Variants in BNIP2 observed in about 807,000 individuals in gnomAD.
BNIP2 encodes the protein BCL2/adenovirus E1B 19 kDa protein-interacting protein 2.
BNIP2 carries 36 observed loss-of-function variants against 43.4 expected under a neutral mutation model. That is an observed-to-expected ratio of 0.83 (90% CI 0.64 to 1.10). The LOEUF (loss-of-function observed/expected upper bound fraction) is 1.10, where lower values mean the gene tolerates loss of function less well. Among genes scored for constraint, BNIP2 ranks in the 50% least tolerant of loss-of-function variants. BNIP2 has a pLI of 0.00. For synonymous variants in BNIP2, 146 were observed against 121.0 expected, an observed-to-expected ratio of 1.21 and a Z score of -1.35; for missense variants, 417 against 374.1, an observed-to-expected ratio of 1.11 and a Z score of -0.95.
chr15:59,666,770 A>G (rs1243065549), intron 9 of BNIP2, among the ~76,000 whole-genome samples: 4 of 152,194 alleles, frequency 2.6e-5, no homozygotes, highest in African/African-American at 9.6e-5. Flanking sequence ...AGAAACTACA[A>G]AAAACAGAAC....
At chr15:59,684,827 G>C (rs1271543718) in intron 1 of BNIP2, among the ~76,000 whole-genome samples, 2 of 152,058 alleles carry the variant, frequency 1.3e-5, no homozygotes, top group Non-Finnish European at 2.9e-5. Context: ...AAAATATTTA[G>C]CATTTCAAAA....
In BNIP2 at chr15:59,661,209, A is replaced by G; in HGVS notation, c.*2860T>C. 6.6e-6 allele frequency: 1 copy of G among 152,096 alleles called. No homozygotes were observed. Among genetic ancestry groups the G allele is most frequent in the East Asian group, 1.9e-4 (1 of 5,188 alleles). The allele number at this position is 152,096 out of a possible 1,614,324, so 9.4% of individuals were successfully genotyped here. Reference sequence around the variant, plus strand: ...GCCGGGCATTGTGGCGTGTGCCTGTAATCCCAGCTACTCAGGAGGCTGAGG... The same window carrying G: ...GCCGGGCATTGTGGCGTGTGCCTGTGATCCCAGCTACTCAGGAGGCTGAGG... On this transcript the variant is annotated 3_prime_UTR_variant, in exon 10 of 10. Coordinates refer to ENST00000607373, the MANE Select transcript of BNIP2 (RefSeq NM_004330.4).
intron 1 of BNIP2, among the ~76,000 whole-genome samples, chr15:59,683,476 T>A (rs988732881): frequency 8.5e-5 from 13 of 152,212 alleles, no homozygotes; most frequent in Admixed American, 7.8e-4. Context: ...GTAACATATT[T>A]AAGAGATACG....
chr15:59,685,612 A>G (rs952450324), intron 1 of BNIP2, among the ~76,000 whole-genome samples: 33 of 152,322 alleles, frequency 2.2e-4, no homozygotes, highest in African/African-American at 7.9e-4. Context: ...CCTTAATATC[A>G]TATTGAATCA....
chr15:59,659,295 C>G lies in BNIP2; in HGVS notation c.*4774G>C, dbSNP rs1037764199. 2 of 152,166 alleles carry G rather than the reference C, an allele frequency of 1.3e-5. No homozygotes were observed. Among genetic ancestry groups the G allele is most frequent in the Non-Finnish European group, 2.9e-5 (2 of 68,032 alleles). 9.4% of individuals were successfully genotyped at this position (152,166 alleles called of 1,614,324 possible). ...CCAACTCTGGTATTTCTTACAGGGACCACATTAATATCTTGCACACACAGA... is the reference window on the plus strand; with the variant it reads ...CCAACTCTGGTATTTCTTACAGGGAGCACATTAATATCTTGCACACACAGA... On this transcript the variant is annotated 3_prime_UTR_variant, in exon 10 of 10. Coordinates refer to ENST00000607373, the MANE Select transcript of BNIP2 (RefSeq NM_004330.4).
At chr15:59,688,901 G>T in intron 1 of BNIP2, 2 of 1,470,790 alleles carry the variant, frequency 1.4e-6, no homozygotes, top group Non-Finnish European at 1.8e-6. Flanking sequence ...GACGGGGTGG[G>T]GGGCCAAACT....
chr15:59,675,109 C>A (rs1049920667), intron 5 of BNIP2, among the ~76,000 whole-genome samples: 32 of 151,640 alleles, frequency 2.1e-4, no homozygotes, highest in African/African-American at 7.3e-5. Context: ...ATTAGCCAGG[C>A]GTGGTGGCGT....
intron 5 of BNIP2, chr15:59,676,866 C>A: frequency 1.3e-6 from 2 of 1,581,544 alleles, no homozygotes; most frequent in Non-Finnish European, 1.7e-6. Context: ...CCTGGGCTCT[C>A]GCTGCGTTCG....
chr15:59,689,064 C>T (rs1376428175), intron 1 of BNIP2, 71 bp downstream of exon 1: 4 of 1,476,924 alleles, frequency 2.7e-6, no homozygotes, highest in Non-Finnish European at 3.6e-6. Context: ...GCCCGACAGA[C>T]TTTCGCCCCT....
At chr15:59,677,187 G>C in intron 5 of BNIP2, 1 of 1,595,910 alleles carries the variant, frequency 6.3e-7, no homozygotes, top group Non-Finnish European at 8.6e-7. Context: ...GAAGGATCCA[G>C]TGGAACCACA....
At chr15:59,686,430 A>G (rs1295592861) in intron 1 of BNIP2, among the ~76,000 whole-genome samples, 2 of 152,128 alleles carry the variant, frequency 1.3e-5, no homozygotes, top group Admixed American at 1.3e-4. Context: ...TTATAACACA[A>G]TTTTACACAG....
At chr15:59,676,746 G>A (rs919443885) in intron 5 of BNIP2, 18 of 1,384,352 alleles carry the variant, frequency 1.3e-5, no homozygotes, top group Non-Finnish European at 1.7e-5. Flanking sequence ...GGGCGGCAGA[G>A]TTGGGGTGTC....
Position 59,678,495 on chromosome 15 carries a change from T to C in BNIP2, c.296-408A>G, listed in dbSNP as rs1182720711. ...TATCTGGGAGCCAATTTTGTTGTTG[T>C]TGAGCACATAAATTAACTGTAATAC... On this transcript the variant is annotated intron_variant, in intron 4 of 9. Transcript: ENST00000607373. 6 of 1,069,978 alleles carry C rather than the reference T, an allele frequency of 5.6e-6. No individual in the cohort carries two copies. In the African/African-American group the frequency reaches 8.5e-5, roughly 15 times the overall value. 66.3% of individuals were successfully genotyped at this position (1,069,978 alleles called of 1,614,324 possible). A position where few individuals can be genotyped will look rare whatever the true frequency, so the allele number is the denominator to read the frequency against.
intron 2 of BNIP2, 106 bp from the exon 3 acceptor site, chr15:59,680,414 G>C (rs1893594721): frequency 7.0e-6 from 6 of 861,864 alleles, no homozygotes; most frequent in Non-Finnish European, 1.0e-5. Flanking sequence ...TTTGGAAAAT[G>C]GAATAAAGCA....
At position 59,672,752 on chromosome 15, in the gene BNIP2, C is replaced by G. The variant is rs768314671; in HGVS notation, c.473-13G>C. 6.2e-7 allele frequency: 1 copy of G among 1,603,406 alleles called. No homozygotes were observed. The highest frequency in any genetic ancestry group is 1.3e-5 in the African/African-American group (1 of 74,672). On this transcript the variant is annotated splice_polypyrimidine_tract_variant and intron_variant, in intron 5 of 9. Transcript: ENST00000607373. The stretch of plus-strand genomic sequence containing the variant: ...TCCCCATAATATCCTAAAAAAGAAA[C>G]CAAAGACAGTATCACCAGCACGATT...
intron 1 of BNIP2, among the ~76,000 whole-genome samples, chr15:59,687,516 T>TAATTTTTGTATTTTTA (rs1156306586): frequency 6.6e-6 from 1 of 152,118 alleles, no homozygotes; most frequent in African/African-American, 2.4e-5. Flanking sequence ...CATGCCTGGC[T>TAATTTTTGTATTTTTA]AATTTTTGTA....
chr15:59,668,827 G>T (rs371431487), intron 9 of BNIP2, 65 bp downstream of exon 9: 2 of 1,331,236 alleles, frequency 1.5e-6, no homozygotes, highest in African/African-American at 1.5e-5. Context: ...GTATTGAAAA[G>T]TATTATCCAT....
chr15:59,670,525 T>C (rs988524233), intron 7 of BNIP2, among the ~76,000 whole-genome samples: 1 of 152,166 alleles, frequency 6.6e-6, no homozygotes, highest in African/African-American at 2.4e-5. Context: ...ACATTCTCCA[T>C]CCTTTGCCAA....
chr15:59,684,940 G>A (rs1893918847), intron 1 of BNIP2, among the ~76,000 whole-genome samples: 1 of 152,190 alleles, frequency 6.6e-6, no homozygotes, highest in South Asian at 2.1e-4. Flanking sequence ...ATACTTACCT[G>A]TAGGGTATGG....
Sources: allele counts gnomAD v4.1 joint callset (sites outside exome capture counted in the v4.1 genomes callset), GRCh38; gene constraint gnomAD v4.1.1; transcripts MANE v1.5; gene names NCBI Gene and HGNC (gene_info 2026-07-23, HGNC 2026-07-21).